The following FHIT variants were observed in gnomAD, a reference collection of about 807,000 sequenced individuals.
FHIT encodes the protein bis(5'-adenosyl)-triphosphatase.
A neutral mutation model predicts 17.9 loss-of-function variants in FHIT; 19 were observed. The observed-to-expected ratio is 1.06, with a 90% confidence interval of 0.74 to 1.56. The LOEUF (loss-of-function observed/expected upper bound fraction) is 1.56, where lower values mean the gene tolerates loss of function less well. Ranked by LOEUF, FHIT falls within the 40% of genes most tolerant of loss-of-function variation. The probability of loss-of-function intolerance (pLI) is 0.00; values close to 1 mark genes in which losing one functional copy is unlikely to be tolerated. For synonymous variants in FHIT, 81 were observed against 69.7 expected, an observed-to-expected ratio of 1.16 and a Z score of -0.81; for missense variants, 248 against 189.2, an observed-to-expected ratio of 1.31 and a Z score of -1.82.
At chr3:60,048,397 C>G (rs184858224) in intron 5 of FHIT, among the ~76,000 whole-genome samples, 8 of 151,036 alleles carry the variant, frequency 5.3e-5, no homozygotes, top group African/African-American at 1.7e-4. Flanking sequence ...AGGATGGGCT[C>G]GATCTCCTGA....
chr3:59,879,652 T>C (rs1296331043), intron 8 of FHIT, among the ~76,000 whole-genome samples: 1 of 152,058 alleles, frequency 6.6e-6, no homozygotes, highest in African/African-American at 2.4e-5. Flanking sequence ...TAACATTACG[T>C]AGGGTCGAAT....
At chr3:60,090,711 G>A (rs1350797254) in intron 5 of FHIT, among the ~76,000 whole-genome samples, 1 of 152,116 alleles carries the variant, frequency 6.6e-6, no homozygotes, top group Non-Finnish European at 1.5e-5. Flanking sequence ...TGTCTTTGAT[G>A]GGCTGCTTTG....
At chr3:61,205,575 A>T (rs1235277195) in intron 1 of FHIT, among the ~76,000 whole-genome samples, 1 of 152,156 alleles carries the variant, frequency 6.6e-6, no homozygotes, top group African/African-American at 2.4e-5. Context: ...ATGGCCAGTG[A>T]TGGTGAGCAT....
chr3:59,871,317 G>A (rs551737803), intron 8 of FHIT, among the ~76,000 whole-genome samples: 1 of 152,240 alleles, frequency 6.6e-6, no homozygotes, highest in Non-Finnish European at 1.5e-5. Flanking sequence ...TGATCTTATA[G>A]ATAACCTGAA....
intron 5 of FHIT, among the ~76,000 whole-genome samples, chr3:60,358,892 G>T (rs1699783423): frequency 6.6e-6 from 1 of 152,150 alleles, no homozygotes. Context: ...TAGAATTGAT[G>T]GAAGATTTAT....
At chr3:60,646,360 T>C (rs542606585) in intron 4 of FHIT, among the ~76,000 whole-genome samples, 2 of 152,310 alleles carry the variant, frequency 1.3e-5, no homozygotes, top group South Asian at 2.1e-4. Flanking sequence ...TCTGCCCATG[T>C]CCATTTGAAA....
chr3:59,995,020 A>G (rs3772504), intron 7 of FHIT, among the ~76,000 whole-genome samples: 19,192 of 152,006 alleles, frequency 0.13, 1,361 homozygotes, highest in South Asian at 0.26. Context: ...GCTCTGCTAG[A>G]GCAGCAAAGA....
At chr3:60,433,551 A>G (rs1057341886) in intron 5 of FHIT, among the ~76,000 whole-genome samples, 2 of 151,988 alleles carry the variant, frequency 1.3e-5, no homozygotes, top group Non-Finnish European at 2.9e-5. Flanking sequence ...AAGGATTCCA[A>G]TTTCTTCATA....
At chr3:60,366,711 A>G (rs1700120271) in intron 5 of FHIT, among the ~76,000 whole-genome samples, 1 of 152,170 alleles carries the variant, frequency 6.6e-6, no homozygotes, top group Non-Finnish European at 1.5e-5. Context: ...TGCTGACATC[A>G]TGGTCTTGGA....
chr3:61,152,708 G>A (rs1267220673), intron 2 of FHIT, among the ~76,000 whole-genome samples: 1 of 152,146 alleles, frequency 6.6e-6, no homozygotes, highest in Non-Finnish European at 1.5e-5. Flanking sequence ...GAAAAGCCAC[G>A]AAAGGACTTC....
chr3:59,924,053 A>G (rs1369305916), intron 7 of FHIT, among the ~76,000 whole-genome samples: 2 of 152,202 alleles, frequency 1.3e-5, no homozygotes, highest in Non-Finnish European at 2.9e-5. Flanking sequence ...GAAAGAACAA[A>G]CAAGGAAAAA....
At position 60,541,536 on chromosome 3, in the gene FHIT, C is replaced by A. The variant is rs545857480; in HGVS notation, c.-17-4557G>T. 2.0e-5 allele frequency among the ~76,000 whole-genome samples: 3 copies of A among 152,298 alleles called. No individual in the cohort carries two copies. The East Asian group carries it at 5.8e-4, about 29-fold the overall frequency. On this transcript the variant is annotated intron_variant, in intron 4 of 9. Transcript: ENST00000492590. ...TCTAGGGATGGGCAAGTGACCCAGGCACCCATAGTCCTTTGACATATGATT... is the reference window on the plus strand; with the variant it reads ...TCTAGGGATGGGCAAGTGACCCAGGAACCCATAGTCCTTTGACATATGATT...
At chr3:60,671,592 T>G (rs2040505466) in intron 4 of FHIT, among the ~76,000 whole-genome samples, 2 of 151,944 alleles carry the variant, frequency 1.3e-5, no homozygotes, top group South Asian at 4.2e-4. Flanking sequence ...GAAAAAAAAA[T>G]CCCGCTCTTG....
intron 3 of FHIT, among the ~76,000 whole-genome samples, chr3:60,921,151 G>A (rs1392325651): frequency 6.6e-6 from 1 of 152,168 alleles, no homozygotes; most frequent in Non-Finnish European, 1.5e-5. Context: ...ACACTTCTGA[G>A]TGGTGGGTAA....
At chr3:60,488,619 A>G (rs2033939378) in intron 5 of FHIT, among the ~76,000 whole-genome samples, 1 of 152,160 alleles carries the variant, frequency 6.6e-6, no homozygotes, top group South Asian at 2.1e-4. Flanking sequence ...TCAGAGCAAT[A>G]GCTATGTACA....
chr3:60,120,392 C>G (rs1458108291), intron 5 of FHIT, among the ~76,000 whole-genome samples: 1 of 152,204 alleles, frequency 6.6e-6, no homozygotes, highest in Non-Finnish European at 1.5e-5. Flanking sequence ...CTTCACTGAA[C>G]TGAAATTCAT....
At chr3:61,017,134 C>A (rs1032788053) in intron 3 of FHIT, among the ~76,000 whole-genome samples, 19 of 152,012 alleles carry the variant, frequency 1.2e-4, no homozygotes, top group Non-Finnish European at 2.4e-4. Flanking sequence ...CAAAAACACA[C>A]AAAAAATTAG....
intron 4 of FHIT, among the ~76,000 whole-genome samples, chr3:60,819,731 C>A (rs80064939): frequency 1.8e-4 from 28 of 152,108 alleles, no homozygotes; most frequent in Non-Finnish European, 3.1e-4. Flanking sequence ...CTTCATTTTA[C>A]GGAGGAAGTA....
chr3:60,619,087 A>C (rs1384115865), intron 4 of FHIT, among the ~76,000 whole-genome samples: 1 of 151,430 alleles, frequency 6.6e-6, no homozygotes, highest in Non-Finnish European at 1.5e-5. Flanking sequence ...TTACAGCAGC[A>C]AAGATTAACA....
Sources: allele counts gnomAD v4.1 joint callset (sites outside exome capture counted in the v4.1 genomes callset), GRCh38; gene constraint gnomAD v4.1.1; transcripts MANE v1.5; gene names NCBI Gene and HGNC (gene_info 2026-07-23, HGNC 2026-07-21).